The following CHD7 variants were observed in gnomAD, a reference collection of about 807,000 sequenced individuals.
CHD7 encodes ATP-dependent chromatin remodeler CHD7.
A neutral mutation model predicts 307.3 loss-of-function variants in CHD7; 24 were observed. The ratio of observed to expected loss-of-function variants is 0.08; its 90% CI spans 0.06 to 0.11. The LOEUF is 0.11. Among genes scored for constraint, CHD7 ranks in the 10% least tolerant of loss-of-function variants. The pLI is 1.00. For missense variants in CHD7, 3,106 were observed against 3,727.1 expected, an observed-to-expected ratio of 0.83 and a Z score of 4.34; for synonymous variants, 1,363 against 1,349.9, an observed-to-expected ratio of 1.01 and a Z score of -0.21.
intron 15 of CHD7, among the ~76,000 whole-genome samples, chr8:60,833,691 T>C (rs1230626886): frequency 6.6e-6 from 1 of 152,250 alleles, no homozygotes; most frequent in Non-Finnish European, 1.5e-5. Context: ...CACTTTCCAG[T>C]GTAGTGCCAG....
chr8:60,794,965 G>A (rs763238821), intron 3 of CHD7, 21 bp from the exon 4 acceptor site: 4 of 1,607,480 alleles, frequency 2.5e-6, no homozygotes, highest in African/African-American at 1.3e-5. Flanking sequence ...TGAACACTAA[G>A]CGATCCACTT....
chr8:60,852,296 C>T (rs372377588), intron 29 of CHD7, 49 bp downstream of exon 29: 17 of 1,524,286 alleles, frequency 1.1e-5, no homozygotes, highest in Non-Finnish European at 1.3e-5. Context: ...TGCCCCTCTG[C>T]CCTGCTCCTG....
intron 7 of CHD7, among the ~76,000 whole-genome samples, chr8:60,814,333 C>CTT (rs1248799036): frequency 6.6e-6 from 1 of 152,218 alleles, no homozygotes; most frequent in Non-Finnish European, 1.5e-5. Context: ...GCTTTGAAGG[C>CTT]TTTTGCACCT....
At position 60,865,496 on chromosome 8, in the gene CHD7, G is replaced by A. The variant is rs774843956; in HGVS notation, c.8557G>A (p.Glu2853Lys). The A allele has an allele frequency of 4.3e-6, 7 of 1,613,914 alleles. No homozygotes were observed. The highest frequency in any genetic ancestry group is 1.7e-5 in the Admixed American group (1 of 60,008). The change falls in exon 38 of 38, where the codon GAG becomes AAG. Residue 2853 changes from glutamate (E) to lysine (K), a missense_variant. Around this residue, in one of 10 missense-constraint regions of CHD7, gnomAD observed 351 missense variants for 366.2 expected, o/e 0.96. Transcript: ENST00000423902. The surrounding 1 kb of genome is among the most constrained non-coding windows in gnomAD (Gnocchi z 4.3). Reference sequence around the variant, plus strand: ...GGAGAAAGGAAATGAGAATGAAGACGAGAACAAAGACTCTGAGAAAAGCAC... The same window carrying A: ...GGAGAAAGGAAATGAGAATGAAGACAAGAACAAAGACTCTGAGAAAAGCAC... Reference protein sequence around the residue: ...GEEKGNENEDENKDSEKSTDA... With the variant: ...GEEKGNENEDKNKDSEKSTDA...
chr8:60,837,704 T>G lies in CHD7; in HGVS notation c.4222T>G (p.Ser1408Ala). 6.3e-7 allele frequency: 1 copy of G among 1,592,116 alleles called. No individual in the cohort carries two copies. The highest frequency in any genetic ancestry group is 8.6e-7 in the Non-Finnish European group (1 of 1,168,462). ...ATGTCATAGAATAGGACAGAGCAAA[T>G]CTGTGAAAATCTACAGGCTGATTAC... Reference protein sequence around the residue: ...ARCHRIGQSKSVKIYRLITRN... With the variant: ...ARCHRIGQSKAVKIYRLITRN... Residue 1408 changes from serine to alanine, a missense_variant, in exon 18 of 38, where the codon TCT (serine) becomes GCT (alanine). By Grantham distance (99) the Ser-to-Ala change is moderately conservative. Transcript: ENST00000423902.
rs77227038 is a variant in CHD7, at chr8:60,827,784, C to G, written c.3379-879C>G. Among the ~76,000 whole-genome samples, 134 of 151,858 alleles carry G rather than the reference C, an allele frequency of 8.8e-4. 1 individual carries two copies. The East Asian group carries it at 0.025, about 28-fold the overall frequency. On this transcript the variant is annotated intron_variant, in intron 13 of 37. Transcript: ENST00000423902. ...ATCTAGTATTTACTGAGCGTATACTCTGCTTGGCAACCGAGACTTGTCAGA... is the reference window on the plus strand; with the variant it reads ...ATCTAGTATTTACTGAGCGTATACTGTGCTTGGCAACCGAGACTTGTCAGA...
intron 34 of CHD7, among the ~76,000 whole-genome samples, chr8:60,859,238 G>A (rs145943863): frequency 1.3e-5 from 2 of 152,156 alleles, no homozygotes; most frequent in Non-Finnish European, 1.5e-5. Context: ...AGCACTGCTC[G>A]ATCTGTAAAT....
At chr8:60,800,801 A>G (rs1005595980) in intron 5 of CHD7, among the ~76,000 whole-genome samples, 1 of 152,218 alleles carries the variant, frequency 6.6e-6, no homozygotes, top group Non-Finnish European at 1.5e-5. Flanking sequence ...GAGTTGGAAT[A>G]TAAGGAGGCT....
At chr8:60,790,174 A>G (rs765286604) in intron 3 of CHD7, among the ~76,000 whole-genome samples, 3 of 152,198 alleles carry the variant, frequency 2.0e-5, no homozygotes, top group Non-Finnish European at 4.4e-5. Context: ...AGATGGCTCT[A>G]TATCTCATTG....
At chr8:60,681,457 T>C (rs1315998388) in intron 1 of CHD7, among the ~76,000 whole-genome samples, 6 of 152,130 alleles carry the variant, frequency 3.9e-5, no homozygotes, top group African/African-American at 1.2e-4. Flanking sequence ...GGGCATGGAG[T>C]AGGACTTGGT....
At chr8:60,697,108 A>G (rs1236013482) in intron 1 of CHD7, among the ~76,000 whole-genome samples, 3 of 152,220 alleles carry the variant, frequency 2.0e-5, no homozygotes, top group African/African-American at 7.2e-5. Flanking sequence ...TTGTTAAAAT[A>G]TGTGAGCATG....
At chr8:60,726,521 CA>C (rs1808166476) in intron 1 of CHD7, among the ~76,000 whole-genome samples, 2 of 152,190 alleles carry the variant, frequency 1.3e-5, no homozygotes, top group Non-Finnish European at 2.9e-5. Context: ...CAGGTTAAAA[CA>C]GGAAATGTGT....
Position 60,867,197 on chromosome 8 carries a change from G to C in CHD7, c.*1264G>C, listed in dbSNP as rs1189272672. ...GAGAATACTTAGAAATGTGTGCAGC[G>C]TGTGATAATGTGGTACACTGAAGAA... On this transcript the variant is annotated 3_prime_UTR_variant, in exon 38 of 38. Transcript: ENST00000423902. 1 of 152,180 alleles carries C rather than the reference G, an allele frequency of 6.6e-6. No homozygotes were observed. The highest frequency in any genetic ancestry group is 2.4e-5 in the African/African-American group (1 of 41,432). 9.4% of individuals were successfully genotyped at this position (152,180 alleles called of 1,614,324 possible).
intron 1 of CHD7, 127 bp from the exon 2 acceptor site, chr8:60,741,132 G>C (rs189430042): frequency 2.6e-6 from 1 of 383,624 alleles, no homozygotes; most frequent in Non-Finnish European, 4.7e-6. Context: ...ACAGCTCAGC[G>C]AGGGAGCTAG....
intron 1 of CHD7, among the ~76,000 whole-genome samples, chr8:60,690,036 C>T (rs888862801): frequency 6.6e-6 from 1 of 152,094 alleles, no homozygotes; most frequent in South Asian, 2.1e-4. Flanking sequence ...ATGCAGCCTC[C>T]GTGAGATATT....
chr8:60,695,321 T>A (rs913411878), intron 1 of CHD7, among the ~76,000 whole-genome samples: 1 of 152,228 alleles, frequency 6.6e-6, no homozygotes, highest in Non-Finnish European at 1.5e-5. Flanking sequence ...AAACTTCTTA[T>A]AAAAATGATT....
At chr8:60,795,753 G>T (rs1009371717) in intron 4 of CHD7, among the ~76,000 whole-genome samples, 2 of 152,184 alleles carry the variant, frequency 1.3e-5, no homozygotes, top group African/African-American at 4.8e-5. Context: ...TGTGTGTAAA[G>T]CATACTGCCT....
chr8:60,785,077 G>T (rs560945134), intron 3 of CHD7, among the ~76,000 whole-genome samples: 34 of 152,300 alleles, frequency 2.2e-4, no homozygotes, highest in African/African-American at 7.9e-4. Flanking sequence ...GGAATATGAG[G>T]ATTTGCATCC....
chr8:60,836,066 T>G lies in CHD7; in HGVS notation c.3779-7T>G. The G allele has an allele frequency of 6.2e-7, 1 of 1,602,274 alleles. No homozygotes were observed. On this transcript the variant is annotated splice_region_variant and splice_polypyrimidine_tract_variant and intron_variant, in intron 15 of 37. Coordinates refer to ENST00000423902, the MANE Select transcript of CHD7 (RefSeq NM_017780.4). ...AGTATTCACGTTATGCTGTCCAATCTCTGCAGGTGCTGAAGAGAAAATTTT... is the reference window on the plus strand; with the variant it reads ...AGTATTCACGTTATGCTGTCCAATCGCTGCAGGTGCTGAAGAGAAAATTTT...
Sources: allele counts gnomAD v4.1 joint callset (sites outside exome capture counted in the v4.1 genomes callset), GRCh38; gene constraint gnomAD v4.1.1; regional missense constraint gnomAD v4.1.1; non-coding constraint Gnocchi (gnomAD v3.1); transcripts MANE v1.5; gene names NCBI Gene and HGNC (gene_info 2026-07-23, HGNC 2026-07-21).